The following ZNF280D variants were observed in gnomAD, a reference collection of about 807,000 sequenced individuals.
ZNF280D encodes the protein suppressor of hairy wing homolog 4.
In ZNF280D, 39 loss-of-function variants were observed where a neutral mutation model predicts 94.7. The ratio of observed to expected loss-of-function variants is 0.41; its 90% CI spans 0.32 to 0.54. The LOEUF is 0.54. Among genes scored for constraint, ZNF280D ranks in the 20% least tolerant of loss-of-function variants. The probability of loss-of-function intolerance (pLI) is 0.22; values close to 1 mark genes in which losing one functional copy is unlikely to be tolerated. For synonymous variants in ZNF280D, 398 were observed against 377.6 expected, an observed-to-expected ratio of 1.05 and a Z score of -0.63; for missense variants, 1,090 against 1,149.3, an observed-to-expected ratio of 0.95 and a Z score of 0.75.
chr15:56,683,263 T>A (rs1361016357), intron 9 of ZNF280D, among the ~76,000 whole-genome samples: 10 of 152,086 alleles, frequency 6.6e-5, no homozygotes, highest in Non-Finnish European at 1.0e-4. Flanking sequence ...TGTAGTGAAT[T>A]AGGGTGAAGG....
chr15:56,633,001 C>T (rs1487751113), intron 21 of ZNF280D, among the ~76,000 whole-genome samples: 1 of 151,910 alleles, frequency 6.6e-6, no homozygotes, highest in African/African-American at 2.4e-5. Context: ...CTGTGTGTTT[C>T]TTCTGGCCCT....
intron 9 of ZNF280D, among the ~76,000 whole-genome samples, chr15:56,686,127 A>G (rs2055995596): frequency 6.6e-6 from 1 of 152,146 alleles, no homozygotes; most frequent in Non-Finnish European, 1.5e-5. Context: ...GCTAAAGGAT[A>G]CATTCACAAT....
rs879247289 is a variant in ZNF280D, at chr15:56,682,486, G to C, written c.781-9C>G. The C allele has an allele frequency of 1.7e-4, 87 of 504,556 alleles. No homozygotes were observed. Among genetic ancestry groups the C allele is most frequent in the Non-Finnish European group, 2.1e-4 (73 of 353,442 alleles). The allele number at this position is 504,556 out of a possible 1,614,324, so 31.3% of individuals were successfully genotyped here. The stretch of plus-strand genomic sequence containing the variant: ...ATGTCTGGACAACAATACTGAAAGA[G>C]AAAAAAAAAAAAAAAAAACAAGCCT... On this transcript the variant is annotated splice_polypyrimidine_tract_variant and intron_variant, in intron 9 of 21. Coordinates refer to ENST00000267807, the MANE Select transcript of ZNF280D (RefSeq NM_017661.4).
rs1343159041 is a variant in ZNF280D at position 56,707,290 on chromosome 15, T to G, written c.-69A>C. 1.3e-6 allele frequency: 2 copies of G among 1,532,976 alleles called. No homozygotes were observed. The highest frequency in any genetic ancestry group is 4.9e-5 in the East Asian group (2 of 40,552). 95.0% of individuals were successfully genotyped at this position (1,532,976 alleles called of 1,614,324 possible). ...TGTGACTCCAGACAAGCCAGCAAGTTATTTCTGTTTTCCTTCCTATAAAAT... is the reference window on the plus strand; with the variant it reads ...TGTGACTCCAGACAAGCCAGCAAGTGATTTCTGTTTTCCTTCCTATAAAAT... On this transcript the variant is annotated 5_prime_UTR_variant, in exon 2 of 22. Coordinates refer to ENST00000267807, the MANE Select transcript of ZNF280D (RefSeq NM_017661.4).
intron 1 of ZNF280D, among the ~76,000 whole-genome samples, chr15:56,726,779 A>G (rs1211232195): frequency 6.6e-6 from 1 of 152,240 alleles, no homozygotes. Flanking sequence ...GACATATGGA[A>G]AACTGAAGAC....
At chr15:56,646,084 A>G (rs2052875026) in intron 19 of ZNF280D, among the ~76,000 whole-genome samples, 1 of 152,218 alleles carries the variant, frequency 6.6e-6, no homozygotes, top group Non-Finnish European at 1.5e-5. Context: ...AAAAAGTTGA[A>G]AAGAGGCTGT....
chr15:56,721,005 C>T (rs1324641820), intron 1 of ZNF280D, among the ~76,000 whole-genome samples: 1 of 148,612 alleles, frequency 6.7e-6, no homozygotes, highest in Non-Finnish European at 1.5e-5. Flanking sequence ...CTCCATTGAC[C>T]AGCCTTGAGT....
intron 17 of ZNF280D, among the ~76,000 whole-genome samples, chr15:56,655,248 C>T (rs2053469115): frequency 6.6e-6 from 1 of 152,224 alleles, no homozygotes; most frequent in Admixed American, 6.5e-5. Flanking sequence ...CACTCTGTCA[C>T]CCAGGCGGGA....
At position 56,666,453 on chromosome 15, in the gene ZNF280D, A is replaced by G. The variant is rs1419857093; in HGVS notation, c.1936T>C (p.Cys646Arg). The change falls in exon 16 of 22, where the codon TGT becomes CGT. Residue 646 changes from cysteine to arginine, a missense_variant. This residue lies in a region of ZNF280D where 577 missense variants were observed against 568.8 expected (regional missense o/e 1.01). Coordinates refer to ENST00000267807, the MANE Select transcript of ZNF280D (RefSeq NM_017661.4). ...FANHFPTYVH[C>R]SFCRYNTSCS... ...CTAGTGTTGTATCTGCAAAAACTAC[A>G]GTGGACGTACGTAGGAAAGTGGTTT... 1 of 1,604,474 alleles carries G rather than the reference A, an allele frequency of 6.2e-7. No homozygotes were observed. Among genetic ancestry groups the G allele is most frequent in the African/African-American group, 1.3e-5 (1 of 74,252 alleles).
intron 9 of ZNF280D, among the ~76,000 whole-genome samples, 162 bp from the exon 10 acceptor site, chr15:56,682,639 T>C (rs1017927674): frequency 2.0e-5 from 3 of 152,128 alleles, no homozygotes; most frequent in African/African-American, 7.2e-5. Flanking sequence ...TGCATGTACA[T>C]AGTCTAAAAA....
chr15:56,714,344 T>C (rs1162340805), intron 1 of ZNF280D, among the ~76,000 whole-genome samples: 1 of 152,192 alleles, frequency 6.6e-6, no homozygotes, highest in Non-Finnish European at 1.5e-5. Context: ...AAGATTCTAA[T>C]TTTTATGAAG....
chr15:56,731,506 C>CAAAAAA lies in ZNF280D; in HGVS notation c.-86+1946_-86+1951dup, dbSNP rs752976383. Among the ~76,000 whole-genome samples the CAAAAAA allele has an allele frequency of 1.5e-4, 12 of 80,820 alleles. No homozygotes were observed. The Admixed American group carries it at 1.9e-3, about 13-fold the overall frequency. The allele number at this position is 80,820 out of a possible 152,430, so 53.0% of individuals were successfully genotyped here. ...TGGGACACAGAGCAAGTACCTATCT[C>CAAAAAA]AAAAAAAAAAAAAAAAAAAAAAGAC... On this transcript the variant is annotated intron_variant, in intron 1 of 21. Transcript: ENST00000267807.
At chr15:56,695,633 A>G (rs968527273) in intron 6 of ZNF280D, among the ~76,000 whole-genome samples, 1 of 149,594 alleles carries the variant, frequency 6.7e-6, no homozygotes, top group East Asian at 2.0e-4. Flanking sequence ...GGGTTCAAGC[A>G]ATTCTCCTGC....
At chr15:56,638,383 G>A (rs1285102619) in intron 20 of ZNF280D, among the ~76,000 whole-genome samples, 1 of 152,148 alleles carries the variant, frequency 6.6e-6, no homozygotes, top group Non-Finnish European at 1.5e-5. Context: ...AGCAAAAAAA[G>A]TCAGTGATAC....
intron 17 of ZNF280D, among the ~76,000 whole-genome samples, chr15:56,657,604 T>A (rs571696414): frequency 6.6e-6 from 1 of 152,250 alleles, no homozygotes; most frequent in South Asian, 2.1e-4. Context: ...CCAGTAGCAA[T>A]CATTTATATT....
chr15:56,634,931 T>C (rs1391857445), intron 21 of ZNF280D, among the ~76,000 whole-genome samples: 1 of 152,130 alleles, frequency 6.6e-6, no homozygotes, highest in East Asian at 1.9e-4. Context: ...TGCCAACATT[T>C]TACTTGCTAG....
chr15:56,677,447 C>T, intron 12 of ZNF280D, 127 bp downstream of exon 12: 1 of 619,318 alleles, frequency 1.6e-6, no homozygotes, highest in Admixed American at 2.3e-5. Context: ...GCCTATCCCT[C>T]ATATAATGCA....
At chr15:56,645,191 A>G (rs2052819207) in intron 19 of ZNF280D, 1 of 152,110 alleles carries the variant, frequency 6.6e-6, no homozygotes, top group African/African-American at 2.4e-5. Flanking sequence ...TTAGACATTC[A>G]ATTACTTTGG....
Position 56,653,581 on chromosome 15 carries a change from C to T in ZNF280D, c.2213+617G>A, listed in dbSNP as rs1176409790. 5 of 1,498,046 alleles carry T rather than the reference C, an allele frequency of 3.3e-6. No homozygotes were observed. In the African/African-American group the frequency reaches 5.6e-5, roughly 17 times the overall value. 92.8% of individuals were successfully genotyped at this position (1,498,046 alleles called of 1,614,324 possible). Reference sequence around the variant, plus strand: ...GTATACCCTGGATATTTTTTGAAATCTCTGGGCTGCTTCTGCATCTGAAAA... The same window carrying T: ...GTATACCCTGGATATTTTTTGAAATTTCTGGGCTGCTTCTGCATCTGAAAA... On this transcript the variant is annotated intron_variant, in intron 19 of 21. Coordinates refer to ENST00000267807, the MANE Select transcript of ZNF280D (RefSeq NM_017661.4).
Sources: allele counts gnomAD v4.1 joint callset (sites outside exome capture counted in the v4.1 genomes callset), GRCh38; gene constraint gnomAD v4.1.1; regional missense constraint gnomAD v4.1.1; transcripts MANE v1.5; gene names NCBI Gene and HGNC (gene_info 2026-07-23, HGNC 2026-07-21).